The following ADCY10 variants were observed in gnomAD, a reference collection of about 807,000 sequenced individuals.
ADCY10 encodes the protein adenylate cyclase 10.
ADCY10 carries 156 observed loss-of-function variants against 183.3 expected under a neutral mutation model. The observed-to-expected ratio is 0.85, with a 90% CI of 0.75 to 0.97. The LOEUF is 0.97. Among genes scored for constraint, ADCY10 ranks in the 50% least tolerant of loss-of-function variants. The pLI is 0.00. For synonymous variants in ADCY10, 645 were observed against 670.0 expected (o/e 0.96, Z 0.58); for missense variants, 1,745 against 1,934.3 (o/e 0.90, Z 1.84).
intron 12 of ADCY10, 123 bp from the exon 13 acceptor site, chr1:167,875,309 G>T: frequency 1.0e-6 from 1 of 991,724 alleles, no homozygotes. Context: ...TCTATCCCCT[G>T]ACTCACGGGT....
chr1:167,821,683 C>T (rs893871926), intron 30 of ADCY10, among the ~76,000 whole-genome samples: 23 of 152,202 alleles, frequency 1.5e-4, no homozygotes, highest in Non-Finnish European at 1.0e-4. Context: ...GGGCAGGTGC[C>T]GGGTGGGCAA....
At chr1:167,866,875 C>T (rs1666736637) in intron 14 of ADCY10, among the ~76,000 whole-genome samples, 1 of 152,094 alleles carries the variant, frequency 6.6e-6, no homozygotes, top group Non-Finnish European at 1.5e-5. Context: ...ATGGGGTTTC[C>T]AAAGGCTGGC....
chr1:167,850,823 T>C (rs1442596511), intron 18 of ADCY10, among the ~76,000 whole-genome samples: 1 of 152,076 alleles, frequency 6.6e-6, no homozygotes, highest in Non-Finnish European at 1.5e-5. Context: ...TCAACCAGTA[T>C]TAACTGATTG....
At chr1:167,899,674 A>G (rs1571448364) in intron 5 of ADCY10, 46 bp from the exon 6 acceptor site, 1 of 1,582,900 alleles carries the variant, frequency 6.3e-7, no homozygotes, top group Non-Finnish European at 8.7e-7. Flanking sequence ...GTTCTGGATT[A>G]TTTCCCAGCA....
intron 31 of ADCY10, among the ~76,000 whole-genome samples, chr1:167,816,503 G>A (rs1038420357): frequency 5.3e-5 from 8 of 152,036 alleles, no homozygotes; most frequent in African/African-American, 1.2e-4. Context: ...TCAAGATCAC[G>A]CCACTGCACT....
At chr1:167,913,714 G>T (rs547894982) in intron 1 of ADCY10, among the ~76,000 whole-genome samples, 1 of 150,954 alleles carries the variant, frequency 6.6e-6, no homozygotes, top group South Asian at 2.2e-4. Flanking sequence ...AGGATATCAC[G>T]TGAGAAACTG....
chr1:167,839,499 C>T (rs578155297), intron 21 of ADCY10, among the ~76,000 whole-genome samples: 61 of 152,320 alleles, frequency 4.0e-4, no homozygotes, highest in African/African-American at 1.3e-3. Flanking sequence ...TACATAAATA[C>T]AATACATTTA....
chr1:167,843,391 C>T (rs150053761), intron 21 of ADCY10, among the ~76,000 whole-genome samples: 3 of 152,164 alleles, frequency 2.0e-5, no homozygotes, highest in African/African-American at 4.8e-5. Context: ...TCACTGACCC[C>T]GCACAGTCAA....
At chr1:167,906,237 A>G (rs1669804771) in intron 1 of ADCY10, among the ~76,000 whole-genome samples, 1 of 152,248 alleles carries the variant, frequency 6.6e-6, no homozygotes, top group Non-Finnish European at 1.5e-5. Context: ...GTATACATTT[A>G]AAAATGTATT....
At chr1:167,850,697 G>A (rs458484) in intron 18 of ADCY10, among the ~76,000 whole-genome samples, 7,408 of 142,214 alleles carry the variant, frequency 0.052, 483 homozygotes, top group East Asian at 0.17. Flanking sequence ...GTGTGTGTGT[G>A]TGTGTGTGTG....
At chr1:167,836,071 CAA>C (rs1450221627) in intron 23 of ADCY10, among the ~76,000 whole-genome samples, 1 of 152,136 alleles carries the variant, frequency 6.6e-6, no homozygotes, top group Non-Finnish European at 1.5e-5. Flanking sequence ...CAATTCATGG[CAA>C]GTTTCTAAAG....
intron 26 of ADCY10, among the ~76,000 whole-genome samples, chr1:167,825,861 G>C (rs1199482712): frequency 6.6e-6 from 1 of 152,172 alleles, no homozygotes; most frequent in Non-Finnish European, 1.5e-5. Context: ...TCTTTAAAAA[G>C]ATAAAGTTGC....
intron 14 of ADCY10, among the ~76,000 whole-genome samples, chr1:167,866,319 C>A (rs1666681652): frequency 6.6e-6 from 1 of 151,970 alleles, no homozygotes; most frequent in African/African-American, 2.4e-5. Context: ...TGGAGTCCCA[C>A]GAGGAATACC....
chr1:167,880,278 G>A (rs1667779007), intron 10 of ADCY10, 87 bp from the exon 11 acceptor site: 8 of 1,246,428 alleles, frequency 6.4e-6, no homozygotes, highest in Non-Finnish European at 3.5e-6. Flanking sequence ...TAATGTCTGG[G>A]TTGGGAAAGG....
chr1:167,851,666 C>CA (rs956264907), intron 18 of ADCY10, among the ~76,000 whole-genome samples: 2 of 151,102 alleles, frequency 1.3e-5, no homozygotes, highest in South Asian at 2.1e-4. Context: ...ACTAAAAATG[C>CA]AAAAAAAATT....
Position 167,831,870 on chromosome 1 carries a change from A to G in ADCY10, c.3593+1117T>C, listed in dbSNP as rs188170325. 9.8e-4 allele frequency among the ~76,000 whole-genome samples: 150 copies of G among 152,310 alleles called. 2 individuals carry two copies. In the South Asian group the frequency reaches 0.024, roughly 24 times the overall value. On this transcript the variant is annotated intron_variant, in intron 25 of 32. Coordinates refer to ENST00000367851, the MANE Select transcript of ADCY10 (RefSeq NM_018417.6). ...GAAATTCAAATTGAGGCATCCTGCA[A>G]CCCTATGTGTAATGCAAAGACCACT...
chr1:167,852,726 G>GA (rs899711106), intron 18 of ADCY10, among the ~76,000 whole-genome samples: 53 of 141,618 alleles, frequency 3.7e-4, no homozygotes, highest in Middle Eastern at 3.8e-3. Context: ...CATCCAGAAA[G>GA]AAAAAAAAAA....
intron 1 of ADCY10, among the ~76,000 whole-genome samples, chr1:167,911,058 A>G (rs73024115): frequency 0.08 from 12,256 of 152,272 alleles, 580 homozygotes; most frequent in Middle Eastern, 0.11. Context: ...CTGGATGGAA[A>G]GTGGGTTAGG....
At chr1:167,850,002 C>A (rs944122016) in intron 18 of ADCY10, among the ~76,000 whole-genome samples, 10 of 152,002 alleles carry the variant, frequency 6.6e-5, no homozygotes, top group Non-Finnish European at 1.3e-4. Flanking sequence ...CATTAAACAC[C>A]ATAATATGAA....
Sources: gnomAD v4.1 joint callset for allele counts (sites outside exome capture counted in the v4.1 genomes callset) on GRCh38, gnomAD v4.1.1 for gene constraint, MANE v1.5 for transcripts, NCBI Gene and HGNC (gene_info 2026-07-23, HGNC 2026-07-21) for gene names.